Variants in MCTP1 observed in about 807,000 individuals in gnomAD.
MCTP1 encodes the protein multiple C2 and transmembrane domain-containing protein 1.
In MCTP1, 69 loss-of-function variants were observed where a neutral mutation model predicts 120.6. The observed-to-expected ratio is 0.57, with a 90% CI of 0.47 to 0.70. MCTP1 has a LOEUF of 0.70. Among genes scored for constraint, MCTP1 ranks in the 30% least tolerant of loss-of-function variants. The probability of loss-of-function intolerance (pLI) is 0.00; values close to 1 mark genes in which losing one functional copy is unlikely to be tolerated. For missense variants in MCTP1, 1,203 were observed against 1,248.8 expected (o/e 0.96, Z 0.55); for synonymous variants, 529 against 493.1 (o/e 1.07, Z -0.96).
At chr5:95,282,154 A>G (rs771691978) in intron 1 of MCTP1, among the ~76,000 whole-genome samples, 7 of 152,230 alleles carry the variant, frequency 4.6e-5, no homozygotes, top group Non-Finnish European at 8.8e-5. Flanking sequence ...TTAATTTAGT[A>G]TCTTCTCCAG....
chr5:94,853,205 G>A (rs1794088943), intron 17 of MCTP1, among the ~76,000 whole-genome samples: 1 of 151,922 alleles, frequency 6.6e-6, no homozygotes, highest in South Asian at 2.1e-4. Flanking sequence ...GGTAGGGCGG[G>A]GGAGAGAAAC....
At chr5:95,259,883 T>C (rs1758307413) in intron 1 of MCTP1, among the ~76,000 whole-genome samples, 1 of 152,216 alleles carries the variant, frequency 6.6e-6, no homozygotes, top group Admixed American at 6.5e-5. Context: ...TATGTTGCTA[T>C]CAAATGAATT....
Position 94,708,764 on chromosome 5 carries a change from C to T in MCTP1, c.2831-155G>A, listed in dbSNP as rs1755638366. On this transcript the variant is annotated intron_variant, in intron 21 of 22. Coordinates refer to ENST00000515393, the MANE Select transcript of MCTP1 (RefSeq NM_024717.7). ...TCCTTCATTTCTTCCTCCTTTCCAG[C>T]TCAACTGCTTTTTTTACTTGTACCT... 7.2e-6 allele frequency: 4 copies of T among 557,320 alleles called. No homozygotes were observed. The East Asian group carries it at 1.2e-4, about 17-fold the overall frequency. The allele number at this position is 557,320 out of a possible 1,614,324, so 34.5% of individuals were successfully genotyped here. A position where few individuals can be genotyped will look rare whatever the true frequency, so the allele number is the denominator to read the frequency against.
intron 17 of MCTP1, among the ~76,000 whole-genome samples, chr5:94,804,429 GCTTTTCTTTT>G (rs969856027): frequency 7.2e-5 from 11 of 152,170 alleles, no homozygotes; most frequent in East Asian, 1.9e-4. Flanking sequence ...TTAATGTAAT[GCTTTTCTTTT>G]CTTTTCTTTT....
intron 1 of MCTP1, among the ~76,000 whole-genome samples, chr5:95,194,439 C>A (rs145208843): frequency 0.01 from 1,594 of 152,150 alleles, 14 homozygotes; most frequent in Middle Eastern, 0.031. Context: ...AAGAGGAGAG[C>A]AAAGCTTATC....
intron 1 of MCTP1, among the ~76,000 whole-genome samples, chr5:95,149,703 G>A (rs1760721382): frequency 6.6e-6 from 1 of 152,222 alleles, no homozygotes; most frequent in African/African-American, 2.4e-5. Flanking sequence ...TGGGGCTACA[G>A]TAGCTACTGC....
chr5:95,074,039 C>A (rs1752932424), intron 1 of MCTP1, among the ~76,000 whole-genome samples: 1 of 152,174 alleles, frequency 6.6e-6, no homozygotes, highest in Non-Finnish European at 1.5e-5. Flanking sequence ...TCGCTTGAAC[C>A]TGGGAGGTGG....
chr5:94,877,290 T>C (rs1001618604), intron 12 of MCTP1, among the ~76,000 whole-genome samples: 2 of 152,170 alleles, frequency 1.3e-5, no homozygotes, highest in East Asian at 3.9e-4. Context: ...AACCTAGATA[T>C]GTGTTACCTA....
At chr5:95,182,661 C>T (rs1003981005) in intron 1 of MCTP1, among the ~76,000 whole-genome samples, 1 of 152,010 alleles carries the variant, frequency 6.6e-6, no homozygotes, top group South Asian at 2.1e-4. Context: ...TCCCACACCA[C>T]TGTGGAAAGC....
chr5:95,090,839 A>T (rs1269984054), intron 1 of MCTP1, among the ~76,000 whole-genome samples: 1 of 152,122 alleles, frequency 6.6e-6, no homozygotes, highest in Admixed American at 6.6e-5. Flanking sequence ...TCTTTAGCCC[A>T]TATCTGAGCT....
At chr5:94,719,616 A>G (rs1160251306) in intron 19 of MCTP1, among the ~76,000 whole-genome samples, 1 of 152,172 alleles carries the variant, frequency 6.6e-6, no homozygotes, top group Non-Finnish European at 1.5e-5. Flanking sequence ...GAGCTAAACA[A>G]TGAGAACATA....
At chr5:94,957,667 G>C (rs1213026954) in intron 2 of MCTP1, among the ~76,000 whole-genome samples, 1 of 151,792 alleles carries the variant, frequency 6.6e-6, no homozygotes, top group Non-Finnish European at 1.5e-5. Context: ...AAAAAAAAGA[G>C]AAAGAAGGGA....
intron 19 of MCTP1, among the ~76,000 whole-genome samples, chr5:94,776,582 C>T (rs1323319577): frequency 2.0e-5 from 3 of 152,158 alleles, no homozygotes; most frequent in Admixed American, 1.3e-4. Flanking sequence ...TAAAGTGAGG[C>T]TTTGGCACAT....
rs1365175 is a variant in MCTP1, at chr5:95,130,931, A to G, written c.721-113447T>C. ...AGGGTAAGAATTATTCAATCAATAA[A>G]TTATTTTAACTGCCTTTACATTTGT... On this transcript the variant is annotated intron_variant, in intron 1 of 22. Coordinates refer to ENST00000515393, the MANE Select transcript of MCTP1 (RefSeq NM_024717.7). Among the ~76,000 whole-genome samples, 1,450 of 152,304 alleles carry G rather than the reference A, an allele frequency of 9.5e-3. 23 individuals carry two copies. Among genetic ancestry groups the G allele is most frequent in the African/African-American group, 0.033 (1,361 of 41,560 alleles).
chr5:94,918,148 T>G (rs1185414465), intron 7 of MCTP1, among the ~76,000 whole-genome samples, 175 bp from the exon 8 acceptor site: 1 of 152,218 alleles, frequency 6.6e-6, no homozygotes, highest in East Asian at 1.9e-4. Context: ...TAAATGTCAA[T>G]GCAATTCTAC....
rs1780676253 is a variant in MCTP1 at position 94,799,145 on chromosome 5, G to C, written c.2437-13C>G. ...CAAAGAGAAAGAGCTGGAGGAGATA[G>C]AAGAGAGAAGAAGGGATGAGTCAAC... On this transcript the variant is annotated splice_polypyrimidine_tract_variant and intron_variant, in intron 17 of 22. Coordinates refer to ENST00000515393, the MANE Select transcript of MCTP1 (RefSeq NM_024717.7). 1 of 1,607,824 alleles carries C rather than the reference G, an allele frequency of 6.2e-7. No individual in the cohort carries two copies. The highest frequency in any genetic ancestry group is 8.5e-7 in the Non-Finnish European group (1 of 1,176,840).
At chr5:94,958,010 A>T in intron 2 of MCTP1, among the ~76,000 whole-genome samples, 1 of 152,338 alleles carries the variant, frequency 6.6e-6, no homozygotes, top group African/African-American at 2.4e-5. Flanking sequence ...AATCGACCAC[A>T]TAATTGGAAG....
intron 13 of MCTP1, among the ~76,000 whole-genome samples, chr5:94,872,217 G>T (rs780311868): frequency 5.9e-5 from 9 of 152,144 alleles, no homozygotes; most frequent in Non-Finnish European, 8.8e-5. Context: ...GTGAGGAGAG[G>T]CTTTATCAGG....
chr5:94,951,890 G>T (rs1300863490), intron 3 of MCTP1, among the ~76,000 whole-genome samples: 2 of 152,072 alleles, frequency 1.3e-5, no homozygotes, highest in Non-Finnish European at 2.9e-5. Flanking sequence ...CGCTATTTAA[G>T]GCCGGGCACG....
Sources: gnomAD v4.1 joint callset for allele counts (sites outside exome capture counted in the v4.1 genomes callset) on GRCh38, gnomAD v4.1.1 for gene constraint, MANE v1.5 for transcripts, NCBI Gene and HGNC (gene_info 2026-07-23, HGNC 2026-07-21) for gene names.